ZWILCH: variants seen among roughly 807,000 people sequenced by gnomAD.
The protein encoded by ZWILCH is zwilch kinetochore protein.
In ZWILCH, 74 loss-of-function variants were observed where a neutral mutation model predicts 79.9. The observed-to-expected ratio is 0.93, with a 90% CI of 0.77 to 1.12. The LOEUF (loss-of-function observed/expected upper bound fraction) is 1.12, where lower values mean the gene tolerates loss of function less well. ZWILCH is among the 50% of genes most tolerant of loss of function. The pLI, the probability that ZWILCH is intolerant of heterozygous loss-of-function variation, is 0.00. For missense variants in ZWILCH, 694 were observed against 687.5 expected (o/e 1.01, Z -0.11); for synonymous variants, 241 against 228.2 (o/e 1.06, Z -0.51).
At position 66,540,104 on chromosome 15, in the gene ZWILCH, G is replaced by A. The variant is rs1895146729; in HGVS notation, c.1581G>A (p.Lys527=). The A allele has an allele frequency of 3.8e-6, 6 of 1,597,434 alleles. No individual in the cohort carries two copies. Among genetic ancestry groups the A allele is most frequent in the Non-Finnish European group, 5.1e-6 (6 of 1,175,540 alleles). The change falls in exon 17 of 19, where the codon AAG becomes AAA. Residue 527 remains lysine, a synonymous_variant. Coordinates refer to ENST00000307897, the MANE Select transcript of ZWILCH (RefSeq NM_017975.5). ...CGTTTTATTCTTTCCTTAGTGAGAAGCCACAGAAATGGAGAGTGGAAATAT... is the reference window on the plus strand; with the variant it reads ...CGTTTTATTCTTTCCTTAGTGAGAAACCACAGAAATGGAGAGTGGAAATAT... ...TAVKNLYQSE[K]PQKWRVEIYS...
Position 66,528,839 on chromosome 15 carries a change from G to C in ZWILCH, c.970-13G>C, listed in dbSNP as rs761386509. 6.2e-7 allele frequency: 1 copy of C among 1,610,730 alleles called. No individual in the cohort carries two copies. Among genetic ancestry groups the C allele is most frequent in the Non-Finnish European group, 8.5e-7 (1 of 1,177,646 alleles). On this transcript the variant is annotated splice_polypyrimidine_tract_variant and intron_variant, in intron 10 of 18. Transcript: ENST00000307897. ...AAAAACTGAGTATTCTCTGAAGGTT[G>C]CTTCTTTTTCAGACCTTGAAGCATG...
rs190781532 is a variant in ZWILCH, at chr15:66,541,713, G to A, written c.1687+1503G>A. Among the ~76,000 whole-genome samples the A allele has an allele frequency of 7.9e-5, 12 of 152,208 alleles. No homozygotes were observed. The East Asian group carries it at 1.7e-3, about 22-fold the overall frequency. ...ATATCTTCATGCACGTGGGTTGTAC[G>A]GTGCTGTTGTCTCTTATTCATATGG... On this transcript the variant is annotated intron_variant, in intron 17 of 18. Transcript: ENST00000307897.
chr15:66,509,715 T>A (rs1893960671), intron 2 of ZWILCH, among the ~76,000 whole-genome samples: 1 of 135,940 alleles, frequency 7.4e-6, no homozygotes, highest in African/African-American at 2.6e-5. Flanking sequence ...GTCCATGAAA[T>A]AATTAGCAAA....
At chr15:66,528,779 C>G (rs1894762188) in intron 10 of ZWILCH, 73 bp from the exon 11 acceptor site, 1 of 1,250,668 alleles carries the variant, frequency 8.0e-7, no homozygotes, top group Non-Finnish European at 1.2e-6. Context: ...TTTCTCAGAG[C>G]AGCATTTGAA....
intron 8 of ZWILCH, among the ~76,000 whole-genome samples, chr15:66,525,761 T>C (rs555223815): frequency 1.4e-4 from 19 of 136,866 alleles, no homozygotes; most frequent in Admixed American, 6.5e-4. Context: ...TTTTTCTTTT[T>C]TTTTTTTTTT....
At chr15:66,543,904 G>A (rs1176761039) in intron 17 of ZWILCH, among the ~76,000 whole-genome samples, 1 of 152,140 alleles carries the variant, frequency 6.6e-6, no homozygotes, top group Non-Finnish European at 1.5e-5. Context: ...TAAACATTCT[G>A]TCTACATCTA....
chr15:66,526,480 T>G (rs1894676553), intron 8 of ZWILCH, among the ~76,000 whole-genome samples: 3 of 152,166 alleles, frequency 2.0e-5, no homozygotes, highest in Admixed American at 1.3e-4. Flanking sequence ...TTTCTTTTTT[T>G]TTTGAGTCTT....
intron 2 of ZWILCH, among the ~76,000 whole-genome samples, chr15:66,513,178 G>A (rs917816119): frequency 8.5e-5 from 13 of 152,164 alleles, no homozygotes; most frequent in Admixed American, 6.5e-4. Context: ...TGATGTATCC[G>A]CCTCGGCCTC....
intron 17 of ZWILCH, among the ~76,000 whole-genome samples, chr15:66,544,724 T>TTTTGTGTGTG (rs145952622): frequency 0.078 from 9,968 of 128,474 alleles, 416 homozygotes; most frequent in Middle Eastern, 0.11. Flanking sequence ...TTTTTGGTTT[T>TTTTGTGTGTG]TGTGTGTGTG....
intron 17 of ZWILCH, among the ~76,000 whole-genome samples, chr15:66,546,226 G>A (rs1895366331): frequency 6.6e-6 from 1 of 152,140 alleles, no homozygotes; most frequent in Non-Finnish European, 1.5e-5. Context: ...CTAGCCCTAA[G>A]ACTACAAATC....
intron 7 of ZWILCH, among the ~76,000 whole-genome samples, chr15:66,523,156 A>G (rs1894559104): frequency 6.6e-6 from 1 of 152,172 alleles, no homozygotes. Flanking sequence ...TTTTCCTGTA[A>G]TGGGAATTTA....
intron 8 of ZWILCH, among the ~76,000 whole-genome samples, chr15:66,524,825 T>G (rs2140774206): frequency 6.6e-6 from 1 of 152,310 alleles, no homozygotes; most frequent in South Asian, 2.1e-4. Flanking sequence ...ACCTTTCTTC[T>G]TTCTTGAAAG....
At chr15:66,523,842 C>T in intron 8 of ZWILCH, 94 bp downstream of exon 8, 2 of 1,026,580 alleles carry the variant, frequency 1.9e-6, no homozygotes, top group Non-Finnish European at 2.9e-6. Context: ...TTACTCAAAA[C>T]TTCTTCAGAT....
chr15:66,547,586 GATAA>G (rs1488677737), intron 18 of ZWILCH: 2 of 151,980 alleles, frequency 1.3e-5, no homozygotes, highest in Non-Finnish European at 2.9e-5. Context: ...TTACCTAGAA[GATAA>G]ATAAAAAATA....
At chr15:66,511,886 A>G (rs1894080912) in intron 2 of ZWILCH, among the ~76,000 whole-genome samples, 1 of 152,274 alleles carries the variant, frequency 6.6e-6, no homozygotes, top group South Asian at 2.1e-4. Context: ...AAGTGCTGGG[A>G]TTACATTCGT....
chr15:66,516,167 G>A (rs1233176070), intron 4 of ZWILCH, among the ~76,000 whole-genome samples: 1 of 152,214 alleles, frequency 6.6e-6, no homozygotes, highest in Admixed American at 6.5e-5. Flanking sequence ...TAGTGCACCT[G>A]CGCCGTGGAT....
rs753022831 is a variant in ZWILCH, at chr15:66,537,214, A to G, written c.1525A>G (p.Ile509Val). The change falls in exon 16 of 19, where the codon ATT becomes GTT. Residue 509 changes from isoleucine (I) to valine (V), a missense_variant. Transcript: ENST00000307897. ...ACAAAATCCTCTTGATGAGCAACAC[A>G]TTTTTCAGCTGCCAGTCAGACCAAC... ...YKQNPLDEQH[I>V]FQLPVRPTAV... 5.6e-6 allele frequency: 9 copies of G among 1,613,486 alleles called. No homozygotes were observed. In the Admixed American group the frequency reaches 1.3e-4, roughly 24 times the overall value.
At chr15:66,538,665 G>A (rs981151082) in intron 16 of ZWILCH, among the ~76,000 whole-genome samples, 4 of 152,142 alleles carry the variant, frequency 2.6e-5, no homozygotes, top group Admixed American at 6.5e-5. Context: ...ACAGGTGTGA[G>A]CCACCATGCT....
intron 17 of ZWILCH, among the ~76,000 whole-genome samples, chr15:66,542,921 G>A (rs1316358041): frequency 6.6e-6 from 1 of 152,176 alleles, no homozygotes. Context: ...TATTAGCAAA[G>A]ATCAAAAAGT....
Sources: gnomAD v4.1 joint callset for allele counts (sites outside exome capture counted in the v4.1 genomes callset) on GRCh38, gnomAD v4.1.1 for gene constraint, MANE v1.5 for transcripts, NCBI Gene and HGNC (gene_info 2026-07-23, HGNC 2026-07-21) for gene names.